Variants in ICE2 observed in about 807,000 individuals in gnomAD.
ICE2 encodes the protein little elongation complex subunit 2.
ICE2 carries 87 observed loss-of-function variants against 105.4 expected under a neutral mutation model. The observed-to-expected ratio is 0.83, with a 90% confidence interval of 0.69 to 0.99. The LOEUF is 0.99. Among genes scored for constraint, ICE2 ranks in the 50% least tolerant of loss-of-function variants. ICE2 has a pLI of 0.00. For missense variants in ICE2, 1,323 were observed against 1,146.7 expected (o/e 1.15, Z -2.22); for synonymous variants, 399 against 392.0 (o/e 1.02, Z -0.21).
At position 60,420,606 on chromosome 15, in the gene ICE2, A is replaced by C. The variant is rs2063233573; in HGVS notation, c.*3028T>G. On this transcript the variant is annotated 3_prime_UTR_variant, in exon 16 of 16. Coordinates refer to ENST00000261520, the MANE Select transcript of ICE2 (RefSeq NM_024611.6). ...TTTCTCTCTCATCTCCCATGTTCAT[A>C]GCCTATAATCTCTCCAACTTTCACC... 1 of 152,204 alleles carries C rather than the reference A, an allele frequency of 6.6e-6. No homozygotes were observed. Among genetic ancestry groups the C allele is most frequent in the African/African-American group, 2.4e-5 (1 of 41,442 alleles). The allele number at this position is 152,204 out of a possible 1,614,324, so 9.4% of individuals were successfully genotyped here.
intron 4 of ICE2, among the ~76,000 whole-genome samples, chr15:60,467,302 C>A (rs542270922): frequency 2.0e-5 from 3 of 151,904 alleles, no homozygotes; most frequent in South Asian, 4.2e-4. Flanking sequence ...AATAGAAAAA[C>A]GAGCAAATAA....
At chr15:60,463,967 T>C (rs1047526931) in intron 5 of ICE2, among the ~76,000 whole-genome samples, 3 of 152,258 alleles carry the variant, frequency 2.0e-5, no homozygotes, top group Admixed American at 1.3e-4. Flanking sequence ...ATTATTTTAT[T>C]TCTTGACCTG....
chr15:60,468,565 C>T (rs932592212), intron 3 of ICE2, among the ~76,000 whole-genome samples: 4 of 152,180 alleles, frequency 2.6e-5, no homozygotes, highest in African/African-American at 9.6e-5. Context: ...AAGAGGTATA[C>T]TTATTCAATT....
In ICE2 at chr15:60,449,774, T is replaced by G; in HGVS notation, c.1193A>C (p.Asp398Ala). Residue 398 changes from aspartate (D) to alanine (A), a missense_variant, in exon 10 of 16, where the codon GAT becomes GCT. By Grantham distance (126) the Asp-to-Ala change is moderately radical (BLOSUM62 -2). Transcript: ENST00000261520. ...AAAAGTTTCAAGTTCTGTGACATCATCATCAAAATCCAAATACAAGTTTTC... is the reference window on the plus strand; with the variant it reads ...AAAAGTTTCAAGTTCTGTGACATCAGCATCAAAATCCAAATACAAGTTTTC... ...SLENLYLDFD[D>A]DVTELETFGV... 1 of 1,614,096 alleles carries G rather than the reference T, an allele frequency of 6.2e-7. No individual in the cohort carries two copies. The highest frequency in any genetic ancestry group is 8.5e-7 in the Non-Finnish European group (1 of 1,179,994).
chr15:60,442,685 C>T, intron 11 of ICE2, 140 bp from the exon 12 acceptor site: 1 of 625,474 alleles, frequency 1.6e-6, no homozygotes, highest in Non-Finnish European at 2.7e-6. Flanking sequence ...AGGATTCACA[C>T]TGTAAGATGG....
In ICE2 at chr15:60,423,459, T is replaced by C; in HGVS notation, c.*175A>G. 2.0e-6 allele frequency: 1 copy of C among 491,968 alleles called. No homozygotes were observed. The highest frequency in any genetic ancestry group is 3.5e-6 in the Non-Finnish European group (1 of 282,984). The allele number at this position is 491,968 out of a possible 1,614,324, so 30.5% of individuals were successfully genotyped here. On this transcript the variant is annotated 3_prime_UTR_variant, in exon 16 of 16. Coordinates refer to ENST00000261520, the MANE Select transcript of ICE2 (RefSeq NM_024611.6). ...CCTCAAACTTCAAGGGTGAAAAGCA[T>C]ACCATTCCATTTTAGTTGAAATATT...
At position 60,455,496 on chromosome 15, in the gene ICE2, A is replaced by G. The variant is rs1320071258; in HGVS notation, c.667-54T>C. 10 of 1,140,370 alleles carry G rather than the reference A, an allele frequency of 8.8e-6. No homozygotes were observed. In the East Asian group the frequency reaches 2.4e-4, roughly 27 times the overall value. 70.6% of individuals were successfully genotyped at this position (1,140,370 alleles called of 1,614,324 possible). A position where few individuals can be genotyped will look rare whatever the true frequency, so the allele number is the denominator to read the frequency against. ...GCAAAAATCGCAATGTATTTTTTCT[A>G]AGAAAAGTATCTTTCATCATATGAA... On this transcript the variant is annotated intron_variant, in intron 6 of 15. Coordinates refer to ENST00000261520, the MANE Select transcript of ICE2 (RefSeq NM_024611.6).
chr15:60,471,653 G>A (rs1421212456), intron 3 of ICE2, among the ~76,000 whole-genome samples: 1 of 152,178 alleles, frequency 6.6e-6, no homozygotes, highest in Admixed American at 6.5e-5. Context: ...TCATCAGGGT[G>A]TAAACCAAAA....
intron 9 of ICE2, 156 bp downstream of exon 9, chr15:60,453,447 G>C: frequency 7.1e-7 from 1 of 1,400,360 alleles, no homozygotes; most frequent in Non-Finnish European, 9.3e-7. Context: ...GGTTAAGTTA[G>C]TTGCCTAAAG....
intron 5 of ICE2, among the ~76,000 whole-genome samples, chr15:60,465,961 A>G (rs957115030): frequency 6.6e-6 from 1 of 152,010 alleles, no homozygotes; most frequent in Non-Finnish European, 1.5e-5. Flanking sequence ...TATGCTGACC[A>G]GGCTGGTCTC....
At chr15:60,425,156 A>G (rs558149777) in intron 15 of ICE2, among the ~76,000 whole-genome samples, 7 of 152,258 alleles carry the variant, frequency 4.6e-5, no homozygotes, top group Admixed American at 6.5e-5. Context: ...CCTTTATTTA[A>G]TATCTACTGT....
chr15:60,454,853 C>T, intron 8 of ICE2, 150 bp downstream of exon 8: 1 of 607,766 alleles, frequency 1.6e-6, no homozygotes, highest in Non-Finnish European at 2.7e-6. Context: ...TCTCTCTCAC[C>T]TTGCCCCCCA....
intron 15 of ICE2, among the ~76,000 whole-genome samples, chr15:60,428,214 T>C (rs571321546): frequency 1.3e-5 from 2 of 152,286 alleles, no homozygotes; most frequent in Admixed American, 1.3e-4. Context: ...TTTTCTTTAG[T>C]TGACTTATAA....
At chr15:60,423,953 T>A (rs966744285) in intron 15 of ICE2, among the ~76,000 whole-genome samples, 191 bp from the exon 16 acceptor site, 8 of 152,226 alleles carry the variant, frequency 5.3e-5, no homozygotes. Context: ...AACTTTCAAA[T>A]AACCATCAGA....
intron 3 of ICE2, among the ~76,000 whole-genome samples, chr15:60,474,203 T>C (rs534555568): frequency 2.4e-4 from 36 of 152,170 alleles, no homozygotes; most frequent in African/African-American, 8.2e-4. Flanking sequence ...TGGACTAAAA[T>C]TGTCTCTTTA....
At chr15:60,472,233 C>T (rs1379006129) in intron 3 of ICE2, among the ~76,000 whole-genome samples, 1 of 151,700 alleles carries the variant, frequency 6.6e-6, no homozygotes, top group Non-Finnish European at 1.5e-5. Flanking sequence ...AAACACTATT[C>T]GAGTTGTTCT....
intron 8 of ICE2, 183 bp downstream of exon 8, chr15:60,454,820 G>C (rs185991150): frequency 2.1e-6 from 1 of 476,552 alleles, no homozygotes; most frequent in Non-Finnish European, 3.6e-6. Flanking sequence ...AGCCCTGCAC[G>C]AATTAGGTAT....
Position 60,426,664 on chromosome 15 carries a change from C to T in ICE2, c.2820+1765G>A, listed in dbSNP as rs1241812640. The stretch of plus-strand genomic sequence containing the variant: ...CTATATCAATAAGGAAAGTATATTA[C>T]TCATTTTTTTAGAAACACCTTGCAC... On this transcript the variant is annotated intron_variant, in intron 15 of 15. Transcript: ENST00000261520. 2.0e-5 allele frequency among the ~76,000 whole-genome samples: 3 copies of T among 152,164 alleles called. No homozygotes were observed. The East Asian group carries it at 5.8e-4, about 29-fold the overall frequency.
rs117085279 is a variant in ICE2 at position 60,423,327 on chromosome 15, C to A, written c.*307G>T. The A allele has an allele frequency of 7.8e-3, 1,449 of 185,762 alleles. 8 individuals are homozygous for A. Among genetic ancestry groups the A allele is most frequent in the Non-Finnish European group, 0.012 (1,028 of 89,216 alleles). The allele number at this position is 185,762 out of a possible 1,614,324, so 11.5% of individuals were successfully genotyped here. A position where few individuals can be genotyped will look rare whatever the true frequency, so the allele number is the denominator to read the frequency against. On this transcript the variant is annotated 3_prime_UTR_variant, in exon 16 of 16. Coordinates refer to ENST00000261520, the MANE Select transcript of ICE2 (RefSeq NM_024611.6). Reference sequence around the variant, plus strand: ...GATAAGTGTTGTTCTTGATAAAAAACCAAATTATTTTTCTATTTACAATTT... The same window carrying A: ...GATAAGTGTTGTTCTTGATAAAAAAACAAATTATTTTTCTATTTACAATTT...
Sources: allele counts gnomAD v4.1 joint callset (sites outside exome capture counted in the v4.1 genomes callset), GRCh38; gene constraint gnomAD v4.1.1; transcripts MANE v1.5; gene names NCBI Gene and HGNC (gene_info 2026-07-23, HGNC 2026-07-21).